The following ITPR3 variants were observed in gnomAD, a reference collection of about 807,000 sequenced individuals.
ITPR3 encodes the protein inositol 1,4,5-trisphosphate-gated calcium channel ITPR3.
In ITPR3, 173 loss-of-function variants were observed where a neutral mutation model predicts 293.2. The ratio of observed to expected loss-of-function variants is 0.59; its 90% confidence interval spans 0.52 to 0.67. The LOEUF is 0.67. ITPR3 is among the 30% of genes least tolerant of loss of function. ITPR3 has a pLI of 0.00. For missense variants in ITPR3, 2,796 were observed against 3,592.1 expected (o/e 0.78, Z 5.66); for synonymous variants, 1,295 against 1,444.4 (o/e 0.90, Z 2.35).
rs371269484 is a variant in ITPR3 at position 33,685,832 on chromosome 6, G to C, written c.5667+5G>C. 85 of 1,559,704 alleles carry C rather than the reference G, an allele frequency of 5.4e-5. No individual in the cohort carries two copies. Among genetic ancestry groups the C allele is most frequent in the Middle Eastern group, 5.1e-4 (3 of 5,832 alleles). ...AACCACAACCGGGACCTGCAGGTGAGTGCCTCGCCACACACCTGCCCCTTC... is the reference window on the plus strand; with the variant it reads ...AACCACAACCGGGACCTGCAGGTGACTGCCTCGCCACACACCTGCCCCTTC... On this transcript the variant is annotated splice_donor_5th_base_variant and intron_variant, in intron 41 of 57. Coordinates refer to ENST00000605930, the MANE Select transcript of ITPR3 (RefSeq NM_002224.4).
intron 2 of ITPR3, among the ~76,000 whole-genome samples, chr6:33,647,989 C>A (rs950323951): frequency 1.3e-5 from 2 of 152,104 alleles, no homozygotes; most frequent in African/African-American, 4.8e-5. Context: ...GAAAGCAACC[C>A]CTTTTAACTC....
In ITPR3 at chr6:33,667,886, G is replaced by T; in HGVS notation, c.1808G>T (p.Arg603Leu). 2 of 1,614,144 alleles carry T rather than the reference G, an allele frequency of 1.2e-6. No homozygotes were observed. The highest frequency in any genetic ancestry group is 1.7e-6 in the Non-Finnish European group (2 of 1,180,014). Residue 603 changes from arginine (R) to leucine (L), a missense_variant, in exon 16 of 58, where the codon CGC (arginine) becomes CTC (leucine). Arg to Leu is a moderately radical substitution (Grantham distance 102, BLOSUM62 -2). This residue lies in a region of ITPR3 where 955 missense variants were observed against 1,180.8 expected (regional missense o/e 0.81). Transcript: ENST00000605930. This position sits in a 1 kb window ranked among gnomAD's most constrained non-coding sequence, Gnocchi z 4.4. ...DTITALLHNN[R>L]KLLEKHITKT... ...ATCACTGCCCTGCTGCACAACAACC[G>T]CAAGCTCCTGGAAAAGCACATCACC...
Position 33,675,278 on chromosome 6 carries a change from C to T in ITPR3, c.3117-413C>T, listed in dbSNP as rs1265301788. 2.0e-5 allele frequency among the ~76,000 whole-genome samples: 3 copies of T among 152,022 alleles called. No individual in the cohort carries two copies. Among genetic ancestry groups the T allele is most frequent in the East Asian group, 3.9e-4 (2 of 5,182 alleles). ...CTCTACTAAAAATACAAAAATTAGC[C>T]GGGTGTGTTGGCACACACTGGTAAT... On this transcript the variant is annotated intron_variant, in intron 24 of 57. Coordinates refer to ENST00000605930, the MANE Select transcript of ITPR3 (RefSeq NM_002224.4). The surrounding 1 kb of genome is among the most constrained non-coding windows in gnomAD (Gnocchi z 5.0).
At chr6:33,681,602 A>G (rs910809442) in intron 33 of ITPR3, among the ~76,000 whole-genome samples, 1 of 152,172 alleles carries the variant, frequency 6.6e-6, no homozygotes, top group African/African-American at 2.4e-5. Flanking sequence ...GCCCTGCTAC[A>G]TGACCGAAAT....
Position 33,692,411 on chromosome 6 carries a change from T to C in ITPR3, c.7459-317T>C, listed in dbSNP as rs4711338. Reference sequence around the variant, plus strand: ...TGTTCAGAGCTGCCTCTTTCCCTCATCAATGTTAGGGGCAGAGACACACCG... The same window carrying C: ...TGTTCAGAGCTGCCTCTTTCCCTCACCAATGTTAGGGGCAGAGACACACCG... On this transcript the variant is annotated intron_variant, in intron 54 of 57. Coordinates refer to ENST00000605930, the MANE Select transcript of ITPR3 (RefSeq NM_002224.4). This position sits in a 1 kb window ranked among gnomAD's most constrained non-coding sequence, Gnocchi z 4.2. 0.47 allele frequency among the ~76,000 whole-genome samples: 70,912 copies of C among 151,792 alleles called. 18,139 individuals are homozygous for C. The highest frequency in any genetic ancestry group is 0.9 in the East Asian group (4,619 of 5,118).
chr6:33,625,807 C>T (rs769754834), intron 1 of ITPR3, among the ~76,000 whole-genome samples: 15 of 152,156 alleles, frequency 9.9e-5, no homozygotes, highest in Non-Finnish European at 1.8e-4. Context: ...GGTCAGGACC[C>T]AAGAAGTATG....
intron 33 of ITPR3, among the ~76,000 whole-genome samples, chr6:33,681,603 T>A (rs943316484): frequency 3.9e-5 from 6 of 151,988 alleles, no homozygotes; most frequent in Non-Finnish European, 5.9e-5. Context: ...CCCTGCTACA[T>A]GACCGAAATC....
chr6:33,679,846 C>T lies in ITPR3; in HGVS notation c.3973-36C>T, dbSNP rs751713264. The T allele has an allele frequency of 1.1e-5, 18 of 1,586,970 alleles. No individual in the cohort carries two copies. Among genetic ancestry groups the T allele is most frequent in the African/African-American group, 2.7e-5 (2 of 74,640 alleles). Reference sequence around the variant, plus strand: ...GAGGAGAGCCCAGGGCTTGCTGGACCGAGAGAGTGTGACACGTGCCCCCTC... The same window carrying T: ...GAGGAGAGCCCAGGGCTTGCTGGACTGAGAGAGTGTGACACGTGCCCCCTC... On this transcript the variant is annotated intron_variant, in intron 30 of 57. Transcript: ENST00000605930. This position sits in a 1 kb window ranked among gnomAD's most constrained non-coding sequence, Gnocchi z 4.2.
At chr6:33,635,416 A>T (rs1763796410) in intron 1 of ITPR3, among the ~76,000 whole-genome samples, 1 of 152,192 alleles carries the variant, frequency 6.6e-6, no homozygotes, top group Admixed American at 6.5e-5. Flanking sequence ...TGAATTAATT[A>T]ACTCAGTATG....
At position 33,676,791 on chromosome 6, in the gene ITPR3, G is replaced by A. The variant is rs1163595432; in HGVS notation, c.3306G>A (p.Gln1102=). ...AGGTTCAGCTGCTGATCTCAGCGCA[G>A]GACGTGGAGAACTACAAGGTGATCA... ...FKQVQLLISA[Q]DVENYKVIKS... is the part of the protein sequence containing the mutation. The change falls in exon 26 of 58, where the codon CAG becomes CAA. Residue 1102 remains glutamine, a synonymous_variant. Transcript: ENST00000605930. 1.9e-6 allele frequency: 3 copies of A among 1,614,206 alleles called. No individual in the cohort carries two copies. Among genetic ancestry groups the A allele is most frequent in the Non-Finnish European group, 2.5e-6 (3 of 1,180,020 alleles).
At position 33,682,755 on chromosome 6, in the gene ITPR3, T is replaced by C; in HGVS notation, c.4597+111T>C. The C allele has an allele frequency of 7.3e-7, 1 of 1,365,300 alleles. No homozygotes were observed. The highest frequency in any genetic ancestry group is 2.9e-5 in the East Asian group (1 of 34,598). 84.6% of individuals were successfully genotyped at this position (1,365,300 alleles called of 1,614,324 possible). A position where few individuals can be genotyped will look rare whatever the true frequency, so the allele number is the denominator to read the frequency against. ...ATCCCTAAGCTCGCCCATCTCCTGC[T>C]CCCAGGTGGTTGTCAGTAAGTTCTT... On this transcript the variant is annotated intron_variant, in intron 34 of 57. Transcript: ENST00000605930. This position sits in a 1 kb window ranked among gnomAD's most constrained non-coding sequence, Gnocchi z 5.4.
chr6:33,671,248 C>T lies in ITPR3; in HGVS notation c.2670C>T (p.Gly890=), dbSNP rs747892700. 6.2e-7 allele frequency: 1 copy of T among 1,613,726 alleles called. No individual in the cohort carries two copies. Among genetic ancestry groups the T allele is most frequent in the Non-Finnish European group, 8.5e-7 (1 of 1,179,998 alleles). Reference sequence around the variant, plus strand: ...TGCGGCTCACTCGCACACTGCTGGGCATCATCGACTGTGTGCAGGGGCCCC... The same window carrying T: ...TGCGGCTCACTCGCACACTGCTGGGTATCATCGACTGTGTGCAGGGGCCCC... ...ELLRLTRTLL[G]IIDCVQGPPA... The change falls in exon 21 of 58, where the codon GGC becomes GGT. Residue 890 remains glycine (G), a synonymous_variant. Transcript: ENST00000605930.
At position 33,633,809 on chromosome 6, in the gene ITPR3, T is replaced by TGGGGGCGGGGCGGGCGCGGGGC. The variant is rs1763746579; in HGVS notation, c.90-6671_90-6650dup. On this transcript the variant is annotated intron_variant, in intron 1 of 57. Transcript: ENST00000605930. This position sits in a 1 kb window ranked among gnomAD's most constrained non-coding sequence, Gnocchi z 5.2. ...CCGGAGCTCGCGGGCCGGGCCAGGC[T>TGGGGGCGGGGCGGGCGCGGGGC]GGGGGCGGGGCGGGCGCGGGGCGGG... is the stretch of plus-strand genomic sequence containing the variant. Among the ~76,000 whole-genome samples the TGGGGGCGGGGCGGGCGCGGGGC allele has an allele frequency of 2.7e-5, 1 of 36,430 alleles. No homozygotes were observed. Among genetic ancestry groups the TGGGGGCGGGGCGGGCGCGGGGC allele is most frequent in the East Asian group, 6.3e-4 (1 of 1,580 alleles). 23.9% of individuals were successfully genotyped at this position (36,430 alleles called of 152,430 possible). A position where few individuals can be genotyped will look rare whatever the true frequency, so the allele number is the denominator to read the frequency against.
rs538337262 is a variant in ITPR3 at position 33,676,549 on chromosome 6, G to A, written c.3283-219G>A. On this transcript the variant is annotated intron_variant, in intron 25 of 57. Transcript: ENST00000605930. ...GAAGCCAGGTTATGTGGCAGCTCAG[G>A]GCAGGCAGTGCAGGGAGGCCTGTGG... Among the ~76,000 whole-genome samples, 625 of 152,372 alleles carry A rather than the reference G, an allele frequency of 4.1e-3. 5 individuals are homozygous for A. Among genetic ancestry groups the A allele is most frequent in the African/African-American group, 0.013 (557 of 41,586 alleles).
rs143312526 is a variant in ITPR3, at chr6:33,676,914, C to T, written c.3429C>T (p.Ala1143=). The T allele has an allele frequency of 2.1e-5, 34 of 1,614,052 alleles. No individual in the cohort carries two copies. Among genetic ancestry groups the T allele is most frequent in the East Asian group, 2.0e-4 (9 of 44,874 alleles). ...AGGGTGAGGAGGTGGAGGCAGGCGC[C>T]GCCAAGGACAAGAAAGAGGTAAGTG... ...SGKGEEVEAG[A]AKDKKERPTD... The change falls in exon 26 of 58, where the codon GCC becomes GCT. Residue 1143 remains alanine, a synonymous_variant. Transcript: ENST00000605930.
intron 2 of ITPR3, among the ~76,000 whole-genome samples, chr6:33,652,467 T>G (rs2127253210): frequency 6.6e-6 from 1 of 152,300 alleles, no homozygotes; most frequent in African/African-American, 2.4e-5. Context: ...ATATTTTTAT[T>G]TTTTATTTTT....
chr6:33,686,177 AG>A lies in ITPR3; in HGVS notation c.5794del (p.Asp1932ThrfsTer29). On this transcript the variant is annotated frameshift_variant, in exon 42 of 58. Coordinates refer to ENST00000605930, the MANE Select transcript of ITPR3 (RefSeq NM_002224.4). LOFTEE classifies it high-confidence loss of function. ...GLGLLGLYINEDNVGLVIQTL... is the reference protein window; with the variant it reads ...GLGLLGLYINXDNVGLVIQTL... ...GGGCTGCTGGGGCTCTACATCAATGAGGACAACGTGGGCCTCGTCATCCAGA... is the reference window on the plus strand; with the variant it reads ...GGGCTGCTGGGGCTCTACATCAATGAGACAACGTGGGCCTCGTCATCCAGA... 1 of 1,614,162 alleles carries A rather than the reference AG, an allele frequency of 6.2e-7. No individual in the cohort carries two copies. Among genetic ancestry groups the A allele is most frequent in the Non-Finnish European group, 8.5e-7 (1 of 1,180,034 alleles).
At chr6:33,686,869 G>A (rs760885388) in intron 43 of ITPR3, 140 bp from the exon 44 acceptor site, 31 of 704,558 alleles carry the variant, frequency 4.4e-5, no homozygotes, top group South Asian at 2.5e-4. Flanking sequence ...TCATTAAGCC[G>A]GGGGGAGGGA....
intron 55 of ITPR3, 24 bp from the exon 56 acceptor site, chr6:33,693,521 C>A (rs1467780945): frequency 6.2e-7 from 1 of 1,610,088 alleles, no homozygotes; most frequent in East Asian, 2.2e-5. Context: ...CTGATGGTTT[C>A]ATTCCCGCCC....
Sources: gnomAD v4.1 joint callset for allele counts (sites outside exome capture counted in the v4.1 genomes callset) on GRCh38, gnomAD v4.1.1 for gene constraint, gnomAD v4.1.1 regional missense constraint, Gnocchi (gnomAD v3.1) non-coding constraint, MANE v1.5 for transcripts, NCBI Gene and HGNC (gene_info 2026-07-23, HGNC 2026-07-21) for gene names.